EXOC4: variants seen among roughly 807,000 people sequenced by gnomAD.
EXOC4 encodes exocyst complex component 4.
EXOC4 carries 71 observed loss-of-function variants against 107.2 expected under a neutral mutation model. The ratio of observed to expected loss-of-function variants is 0.66; its 90% CI spans 0.55 to 0.81. The LOEUF (loss-of-function observed/expected upper bound fraction) is 0.81. EXOC4 is among the 30% of genes least tolerant of loss of function. The probability of loss-of-function intolerance (pLI) is 0.00; values close to 1 mark genes in which losing one functional copy is unlikely to be tolerated. For synonymous variants in EXOC4, 456 were observed against 441.2 expected (o/e 1.03, Z -0.42); for missense variants, 1,108 against 1,189.6 (o/e 0.93, Z 1.01).
rs1016785171 is a variant in EXOC4 at position 134,004,905 on chromosome 7, T to C, written c.2349-7T>C. 24 of 1,609,206 alleles carry C rather than the reference T, an allele frequency of 1.5e-5. No homozygotes were observed. The highest frequency in any genetic ancestry group is 3.4e-5 in the Admixed American group (2 of 59,492). On this transcript the variant is annotated splice_polypyrimidine_tract_variant and splice_region_variant and intron_variant, in intron 15 of 17. Transcript: ENST00000253861. ...TTAACTGCTCTCCCTATCTCTCTCT[T>C]TTTCAGGGTTCACTGTTTCCACTAT...
chr7:133,475,410 G>C lies in EXOC4; in HGVS notation c.1265G>C (p.Gly422Ala). 1.9e-6 allele frequency: 3 copies of C among 1,614,048 alleles called. No individual in the cohort carries two copies. The highest frequency in any genetic ancestry group is 2.5e-6 in the Non-Finnish European group (3 of 1,179,960). ...PSAQLSYAST[G>A]REFAAFFAKK... ...GCTCAACTAAGCTATGCCAGCACTG[G>C]ACGAGAGTTTGCAGCCTTTTTTGCC... is the stretch of plus-strand genomic sequence containing the variant. Residue 422 changes from glycine (G) to alanine (A), a missense_variant, in exon 8 of 18, where the codon GGA (glycine) becomes GCA (alanine). Gly to Ala is a moderately conservative substitution (Grantham distance 60). Coordinates refer to ENST00000253861, the MANE Select transcript of EXOC4 (RefSeq NM_021807.4).
intron 12 of EXOC4, among the ~76,000 whole-genome samples, chr7:133,896,180 A>G (rs988000773): frequency 6.6e-6 from 1 of 152,196 alleles, no homozygotes; most frequent in Non-Finnish European, 1.5e-5. Context: ...TCACAAAAGA[A>G]CAGTTACCCC....
chr7:133,929,957 A>G (rs6970436), intron 13 of EXOC4, among the ~76,000 whole-genome samples: 94,516 of 151,936 alleles, frequency 0.62, 31,934 homozygotes, highest in African/African-American at 0.9. Flanking sequence ...AACAGATTTC[A>G]ATTCTTCAAG....
chr7:133,301,912 A>G (rs1453944287), intron 3 of EXOC4, among the ~76,000 whole-genome samples: 1 of 152,212 alleles, frequency 6.6e-6, no homozygotes, highest in Non-Finnish European at 1.5e-5. Context: ...TTTTTACATG[A>G]TAAGCGTGAT....
At chr7:133,527,086 C>A (rs930774156) in intron 9 of EXOC4, among the ~76,000 whole-genome samples, 1 of 152,104 alleles carries the variant, frequency 6.6e-6, no homozygotes, top group Non-Finnish European at 1.5e-5. Context: ...ATTTTTCTTA[C>A]ATCAAACTGT....
At chr7:133,981,190 A>C (rs1793971034) in intron 14 of EXOC4, among the ~76,000 whole-genome samples, 1 of 152,188 alleles carries the variant, frequency 6.6e-6, no homozygotes, top group Non-Finnish European at 1.5e-5. Context: ...TGATCTATGT[A>C]CTTGGTGGCA....
chr7:133,917,545 T>C, intron 12 of EXOC4, 38 bp from the exon 13 acceptor site: 1 of 1,595,700 alleles, frequency 6.3e-7, no homozygotes, highest in South Asian at 1.1e-5. Context: ...ATACCAGGCA[T>C]CATGCTACAG....
chr7:133,665,352 T>A (rs1408002434), intron 10 of EXOC4, among the ~76,000 whole-genome samples: 1 of 152,218 alleles, frequency 6.6e-6, no homozygotes, highest in African/African-American at 2.4e-5. Flanking sequence ...ATACGCTTCA[T>A]AAATTGCTGT....
At chr7:133,575,670 C>G (rs1480489883) in intron 9 of EXOC4, among the ~76,000 whole-genome samples, 4 of 152,138 alleles carry the variant, frequency 2.6e-5, no homozygotes. Context: ...ATAAGCACAG[C>G]AAAGCAAAGA....
At chr7:133,635,631 T>G (rs1317195125) in intron 10 of EXOC4, among the ~76,000 whole-genome samples, 1 of 152,154 alleles carries the variant, frequency 6.6e-6, no homozygotes, top group Non-Finnish European at 1.5e-5. Flanking sequence ...CAGGTGCACT[T>G]AGCACCTCAT....
intron 5 of EXOC4, among the ~76,000 whole-genome samples, chr7:133,348,000 C>G (rs893967939): frequency 6.6e-6 from 1 of 152,074 alleles, no homozygotes; most frequent in Non-Finnish European, 1.5e-5. Context: ...CATATTGTAG[C>G]AATATAGATA....
chr7:133,682,591 G>C (rs1383731891), intron 10 of EXOC4, among the ~76,000 whole-genome samples: 1 of 152,120 alleles, frequency 6.6e-6, no homozygotes, highest in Non-Finnish European at 1.5e-5. Flanking sequence ...CCCATGTCTG[G>C]AATTCTCATA....
At chr7:133,467,795 A>G (rs1161534674) in intron 7 of EXOC4, among the ~76,000 whole-genome samples, 3 of 151,612 alleles carry the variant, frequency 2.0e-5, no homozygotes. Flanking sequence ...CTAAGATTCA[A>G]TTTATGTCCT....
intron 7 of EXOC4, among the ~76,000 whole-genome samples, chr7:133,402,881 ATTTTTTTTTTTTT>A (rs956173651): frequency 8.7e-6 from 1 of 114,932 alleles, no homozygotes; most frequent in African/African-American, 3.4e-5. Flanking sequence ...AGAGCCTAAT[ATTTTTTTTTTTTT>A]TTTTTTTTTG....
chr7:133,811,328 A>G (rs904320426), intron 10 of EXOC4, among the ~76,000 whole-genome samples: 4 of 152,216 alleles, frequency 2.6e-5, no homozygotes, highest in Non-Finnish European at 5.9e-5. Context: ...ATGTTTTCAT[A>G]CTTCCATAGA....
At chr7:133,586,615 A>G (rs1257280070) in intron 9 of EXOC4, among the ~76,000 whole-genome samples, 1 of 152,154 alleles carries the variant, frequency 6.6e-6, no homozygotes, top group Non-Finnish European at 1.5e-5. Context: ...GGAATGATTT[A>G]TATTCTTTCG....
intron 7 of EXOC4, among the ~76,000 whole-genome samples, chr7:133,466,777 A>G (rs1334634106): frequency 6.6e-6 from 1 of 152,202 alleles, no homozygotes; most frequent in South Asian, 2.1e-4. Context: ...AAATATTAGC[A>G]AATTGAATGT....
At chr7:133,682,543 T>C (rs776239635) in intron 10 of EXOC4, among the ~76,000 whole-genome samples, 1 of 152,134 alleles carries the variant, frequency 6.6e-6, no homozygotes, top group Non-Finnish European at 1.5e-5. Context: ...CAGTTTTGGG[T>C]ATATCTTTAT....
At position 133,780,521 on chromosome 7, in the gene EXOC4, C is replaced by T. The variant is rs556501693; in HGVS notation, c.1515-36804C>T. 2.6e-3 allele frequency among the ~76,000 whole-genome samples: 399 copies of T among 152,162 alleles called. 1 individual carries two copies. The highest frequency in any genetic ancestry group is 9.2e-3 in the African/African-American group (384 of 41,518). On this transcript the variant is annotated intron_variant, in intron 10 of 17. Coordinates refer to ENST00000253861, the MANE Select transcript of EXOC4 (RefSeq NM_021807.4). ...AACTGCCTTTTTATATTGATAGAGACGGGATCTTGTTTGGACTTAATAACT... is the reference window on the plus strand; with the variant it reads ...AACTGCCTTTTTATATTGATAGAGATGGGATCTTGTTTGGACTTAATAACT...
Sources: gnomAD v4.1 joint callset for allele counts (sites outside exome capture counted in the v4.1 genomes callset) on GRCh38, gnomAD v4.1.1 for gene constraint, MANE v1.5 for transcripts, NCBI Gene and HGNC (gene_info 2026-07-23, HGNC 2026-07-21) for gene names.